Variants in INPP5D observed in about 807,000 individuals in gnomAD.
The protein encoded by INPP5D is inositol polyphosphate-5-phosphatase D, also known as phosphatidylinositol 3,4,5-trisphosphate 5-phosphatase 1.
In INPP5D, 33 loss-of-function variants were observed where a neutral mutation model predicts 122.9. That is an observed-to-expected ratio of 0.27 (90% CI 0.20 to 0.36). The LOEUF (loss-of-function observed/expected upper bound fraction) is 0.36, where lower values mean the gene tolerates loss of function less well. INPP5D is among the 10% of genes least tolerant of loss of function. The pLI is 1.00. For missense variants in INPP5D, 1,053 were observed against 1,412.7 expected, an observed-to-expected ratio of 0.75 and a Z score of 4.08; for synonymous variants, 584 against 576.2, an observed-to-expected ratio of 1.01 and a Z score of -0.19.
chr2:233,130,711 T>A, intron 5 of INPP5D, 63 bp downstream of exon 5: 1 of 1,566,892 alleles, frequency 6.4e-7, no homozygotes, highest in Admixed American at 1.7e-5. Flanking sequence ...AAACAGCTCA[T>A]GAGAGCGACC....
At chr2:233,060,943 G>A (rs543292675) in intron 1 of INPP5D, among the ~76,000 whole-genome samples, 35 of 152,286 alleles carry the variant, frequency 2.3e-4, no homozygotes, top group Non-Finnish European at 4.4e-4. Flanking sequence ...AGGGCTCTGT[G>A]GAGGTGGGTG....
At chr2:233,072,000 G>T (rs889648244) in intron 1 of INPP5D, among the ~76,000 whole-genome samples, 2 of 152,100 alleles carry the variant, frequency 1.3e-5, no homozygotes, top group Non-Finnish European at 2.9e-5. Flanking sequence ...CACTTATTCA[G>T]ATTTCATAAC....
rs547459336 is a variant in INPP5D at position 233,177,632 on chromosome 2, G to A, written c.2071+286G>A. Among the ~76,000 whole-genome samples, 1 of 152,284 alleles carries A rather than the reference G, an allele frequency of 6.6e-6. No homozygotes were observed. The highest frequency in any genetic ancestry group is 1.9e-4 in the East Asian group (1 of 5,190). ...TCTGTCACCCAGGCTGGAGTACAAT[G>A]GCATGATCTCATCTCACCACAACTT... On this transcript the variant is annotated intron_variant, in intron 18 of 26. Transcript: ENST00000445964. This position sits in a 1 kb window ranked among gnomAD's most constrained non-coding sequence, Gnocchi z 4.2.
chr2:233,113,984 C>G lies in INPP5D; in HGVS notation c.199-8123C>G, dbSNP rs375471063. 3.1e-4 allele frequency among the ~76,000 whole-genome samples: 47 copies of G among 150,032 alleles called. No individual in the cohort carries two copies. In the East Asian group the frequency reaches 3.3e-3, roughly 11 times the overall value. ...GGAGTGCAGTGGCGCCATCTCAGCT[C>G]ACTGCAAGCTCCGCCTCCCGGGTTC... is the stretch of plus-strand genomic sequence containing the variant. On this transcript the variant is annotated intron_variant, in intron 2 of 26. Coordinates refer to ENST00000445964, the MANE Select transcript of INPP5D (RefSeq NM_001017915.3).
At chr2:233,129,158 C>T (rs1034847444) in intron 4 of INPP5D, among the ~76,000 whole-genome samples, 4 of 151,602 alleles carry the variant, frequency 2.6e-5, no homozygotes, top group African/African-American at 9.7e-5. Context: ...AGGGTGAGAC[C>T]CTGTCTCAAA....
At position 233,177,245 on chromosome 2, in the gene INPP5D, C is replaced by T. The variant is rs1574789051; in HGVS notation, c.1990-20C>T. 18 of 1,613,584 alleles carry T rather than the reference C, an allele frequency of 1.1e-5. No homozygotes were observed. The highest frequency in any genetic ancestry group is 1.3e-5 in the African/African-American group (1 of 75,002). ...TAATAATAAGAGGCATTTTTTAAAG[C>T]CTATGACTTTGATTTGCAGATGAAG... is the stretch of plus-strand genomic sequence containing the variant. On this transcript the variant is annotated intron_variant, in intron 17 of 26. Coordinates refer to ENST00000445964, the MANE Select transcript of INPP5D (RefSeq NM_001017915.3). This position sits in a 1 kb window ranked among gnomAD's most constrained non-coding sequence, Gnocchi z 4.2.
intron 13 of INPP5D, among the ~76,000 whole-genome samples, chr2:233,165,256 T>C (rs994175078): frequency 2.6e-5 from 4 of 152,116 alleles, no homozygotes; most frequent in African/African-American, 9.7e-5. Flanking sequence ...AGTGTGTGTC[T>C]ATATGTGTGT....
rs1695241688 is a variant in INPP5D, at chr2:233,198,405, C to T, written c.2975+29C>T. 2.5e-6 allele frequency: 4 copies of T among 1,588,054 alleles called. No individual in the cohort carries two copies. The African/African-American group carries it at 5.4e-5, about 21-fold the overall frequency. ...AGCATCCTCTTCATTAAGACGGCTC[C>T]CTCCCTCCTTATGAAAGCGCCCTGG... On this transcript the variant is annotated intron_variant, in intron 25 of 26. Transcript: ENST00000445964.
At chr2:233,109,963 C>T (rs1371595638) in intron 2 of INPP5D, among the ~76,000 whole-genome samples, 2 of 152,034 alleles carry the variant, frequency 1.3e-5, no homozygotes, top group East Asian at 3.9e-4. Flanking sequence ...TGGTTCACTG[C>T]AGTCTGCATT....
At chr2:233,135,493 A>G (rs1481604380) in intron 5 of INPP5D, among the ~76,000 whole-genome samples, 1 of 152,164 alleles carries the variant, frequency 6.6e-6, no homozygotes, top group East Asian at 1.9e-4. Flanking sequence ...CCAAGCCTAA[A>G]TCTCTTACAA....
chr2:233,073,246 A>G (rs1691428551), intron 1 of INPP5D, among the ~76,000 whole-genome samples: 2 of 152,156 alleles, frequency 1.3e-5, no homozygotes, highest in South Asian at 4.1e-4. Context: ...TCTTTCCTTG[A>G]TTCTGTTTGT....
At chr2:233,081,464 A>G (rs1045173117) in intron 2 of INPP5D, among the ~76,000 whole-genome samples, 2 of 152,172 alleles carry the variant, frequency 1.3e-5, no homozygotes, top group African/African-American at 4.8e-5. Context: ...TGACTGGAAA[A>G]GACATGACTC....
intron 1 of INPP5D, among the ~76,000 whole-genome samples, chr2:233,074,610 AGTTTTTTTTGT>A (rs1691467253): frequency 6.6e-6 from 1 of 151,764 alleles, no homozygotes; most frequent in Admixed American, 6.6e-5. Flanking sequence ...TGGTGCAAAT[AGTTTTTTTTGT>A]GTTTTTTTTT....
rs1273899285 is a variant in INPP5D, at chr2:233,170,860, C to T, written c.1901-204C>T. On this transcript the variant is annotated intron_variant, in intron 16 of 26. Transcript: ENST00000445964. The surrounding 1 kb of genome is among the most constrained non-coding windows in gnomAD (Gnocchi z 4.5). ...GGCAGAGCTTGCAGTGAGCCAAGAT[C>T]GCGCCACTGCACTCCAGCCTGGCCA... Among the ~76,000 whole-genome samples, 10 of 147,174 alleles carry T rather than the reference C, an allele frequency of 6.8e-5. No homozygotes were observed. The highest frequency in any genetic ancestry group is 2.3e-4 in the African/African-American group (9 of 39,732).
intron 2 of INPP5D, among the ~76,000 whole-genome samples, chr2:233,107,266 G>A (rs1046575761): frequency 2.0e-5 from 3 of 152,148 alleles, no homozygotes; most frequent in African/African-American, 7.2e-5. Context: ...AGGAGCTGTG[G>A]AGTGTAAATT....
intron 2 of INPP5D, among the ~76,000 whole-genome samples, chr2:233,113,529 G>A (rs564694771): frequency 1.3e-5 from 2 of 152,160 alleles, no homozygotes; most frequent in East Asian, 1.9e-4. Context: ...TCAAAGCCAT[G>A]TGGCTGAAGA....
At chr2:233,155,663 A>AAAT (rs1409674871) in intron 9 of INPP5D, among the ~76,000 whole-genome samples, 3 of 136,776 alleles carry the variant, frequency 2.2e-5, no homozygotes, top group African/African-American at 8.1e-5. Context: ...AATAAATAAT[A>AAAT]AATAAATAAG....
chr2:233,169,963 C>G, intron 14 of INPP5D, 63 bp from the exon 15 acceptor site: 1 of 1,608,480 alleles, frequency 6.2e-7, no homozygotes, highest in Non-Finnish European at 8.5e-7. Context: ...GGAGTGACTT[C>G]CTGCCACAGT....
intron 4 of INPP5D, among the ~76,000 whole-genome samples, chr2:233,129,481 G>C (rs756368691): frequency 9.2e-5 from 14 of 152,218 alleles, no homozygotes; most frequent in Non-Finnish European, 2.1e-4. Context: ...ACTTTAGGGG[G>C]CGCCCCTCGT....
Sources: allele counts gnomAD v4.1 joint callset (sites outside exome capture counted in the v4.1 genomes callset), GRCh38; gene constraint gnomAD v4.1.1; non-coding constraint Gnocchi (gnomAD v3.1); transcripts MANE v1.5; gene names NCBI Gene and HGNC (gene_info 2026-07-23, HGNC 2026-07-21).